The following KCNIP4 variants were observed in gnomAD, a reference collection of about 807,000 sequenced individuals.
The protein encoded by KCNIP4 is Kv channel-interacting protein 4.
KCNIP4 carries 12 observed loss-of-function variants against 34.0 expected under a neutral mutation model. The ratio of observed to expected loss-of-function variants is 0.35; its 90% CI spans 0.23 to 0.57. The LOEUF (loss-of-function observed/expected upper bound fraction) is 0.57. Ranked by LOEUF, KCNIP4 falls within the 20% of genes least tolerant of loss-of-function variation. The pLI is 0.83. For missense variants in KCNIP4, 238 were observed against 311.7 expected (o/e 0.76, Z 1.78); for synonymous variants, 124 against 102.2 (o/e 1.21, Z -1.29).
chr4:20,865,632 G>A (rs1722802396), intron 2 of KCNIP4, among the ~76,000 whole-genome samples: 1 of 151,952 alleles, frequency 6.6e-6, no homozygotes, highest in Non-Finnish European at 1.5e-5. Flanking sequence ...ATTGCATGAT[G>A]TCATTTACAT....
At chr4:21,592,196 G>A (rs1742273347) in intron 1 of KCNIP4, among the ~76,000 whole-genome samples, 1 of 152,216 alleles carries the variant, frequency 6.6e-6, no homozygotes, top group East Asian at 1.9e-4. Context: ...TCAGCAAAGA[G>A]ATAACATCTG....
At chr4:21,551,403 A>G (rs952866459) in intron 1 of KCNIP4, among the ~76,000 whole-genome samples, 1 of 152,112 alleles carries the variant, frequency 6.6e-6, no homozygotes, top group Non-Finnish European at 1.5e-5. Context: ...ATCTATAGCC[A>G]GTCTCATATC....
At chr4:21,621,852 C>A (rs1339836342) in intron 1 of KCNIP4, among the ~76,000 whole-genome samples, 4 of 152,132 alleles carry the variant, frequency 2.6e-5, no homozygotes, top group Non-Finnish European at 5.9e-5. Context: ...GAGGTTGGAG[C>A]CAGTGCCTTT....
intron 1 of KCNIP4, among the ~76,000 whole-genome samples, chr4:21,469,000 A>T (rs1730230782): frequency 6.6e-6 from 1 of 152,118 alleles, no homozygotes; most frequent in Non-Finnish European, 1.5e-5. Flanking sequence ...ACAGAAGAAA[A>T]CACTCTGAAA....
At chr4:21,526,124 T>C (rs142739578) in intron 1 of KCNIP4, among the ~76,000 whole-genome samples, 157 of 152,284 alleles carry the variant, frequency 1.0e-3, no homozygotes, top group Non-Finnish European at 1.7e-3. Context: ...GCACCTGATA[T>C]GTTTTGGATC....
chr4:20,800,292 A>G lies in KCNIP4; in HGVS notation c.289-41402T>C, dbSNP rs147425079. ...TCAGGCCCACCTTCGGTGAAAGCCT[A>G]CAAAAGCTACTCTGTAAAGTTTGGA... On this transcript the variant is annotated intron_variant, in intron 3 of 8. Coordinates refer to ENST00000382152, the MANE Select transcript of KCNIP4 (RefSeq NM_025221.6). Among the ~76,000 whole-genome samples the G allele has an allele frequency of 3.4e-3, 513 of 152,358 alleles. 4 individuals carry two copies. Among genetic ancestry groups the G allele is most frequent in the Non-Finnish European group, 5.7e-3 (389 of 68,028 alleles).
chr4:21,920,596 T>C (rs916768029), intron 1 of KCNIP4, among the ~76,000 whole-genome samples: 2 of 152,200 alleles, frequency 1.3e-5, no homozygotes, highest in South Asian at 2.1e-4. Flanking sequence ...AAAAATCACC[T>C]GTACCCCAAC....
chr4:20,774,597 T>C (rs1281939021), intron 3 of KCNIP4, among the ~76,000 whole-genome samples: 2 of 152,238 alleles, frequency 1.3e-5, no homozygotes, highest in Non-Finnish European at 2.9e-5. Context: ...AACAAAGTTC[T>C]GTGTAAATAA....
intron 1 of KCNIP4, among the ~76,000 whole-genome samples, chr4:21,234,518 AAT>A (rs1312458920): frequency 1.8e-5 from 2 of 111,182 alleles, no homozygotes; most frequent in Non-Finnish European, 3.5e-5. Flanking sequence ...TAACGTATAT[AAT>A]ATATATTACA....
At chr4:21,050,799 G>C (rs772407150) in intron 1 of KCNIP4, among the ~76,000 whole-genome samples, 1 of 152,142 alleles carries the variant, frequency 6.6e-6, no homozygotes, top group Non-Finnish European at 1.5e-5. Flanking sequence ...TTGATAGATC[G>C]AGTAGTTGGA....
chr4:21,243,269 A>T (rs16870621), intron 1 of KCNIP4, among the ~76,000 whole-genome samples: 32,838 of 152,068 alleles, frequency 0.22, 6,032 homozygotes, highest in African/African-American at 0.5. Flanking sequence ...GGTACAATAA[A>T]GACTTCAAAG....
intron 1 of KCNIP4, among the ~76,000 whole-genome samples, chr4:21,002,075 G>A (rs1476419777): frequency 3.9e-5 from 6 of 152,218 alleles, no homozygotes; most frequent in Non-Finnish European, 8.8e-5. Flanking sequence ...GTTATAGTCT[G>A]TTTCCCTCTT....
chr4:21,928,321 A>G (rs1729383892), intron 1 of KCNIP4, among the ~76,000 whole-genome samples: 1 of 152,044 alleles, frequency 6.6e-6, no homozygotes. Flanking sequence ...GTGAAACTTA[A>G]AAAATGGTCT....
At chr4:21,919,848 T>C (rs1366607129) in intron 1 of KCNIP4, among the ~76,000 whole-genome samples, 3 of 152,230 alleles carry the variant, frequency 2.0e-5, no homozygotes, top group Non-Finnish European at 4.4e-5. Context: ...AAAACTCACA[T>C]GCTGCAGATT....
chr4:21,859,708 T>C (rs1160922703), intron 1 of KCNIP4, among the ~76,000 whole-genome samples: 1 of 152,074 alleles, frequency 6.6e-6, no homozygotes, highest in Non-Finnish European at 1.5e-5. Flanking sequence ...AGAGTACAGC[T>C]ATCAATTAGT....
chr4:20,842,691 T>C (rs1719900845), intron 3 of KCNIP4, among the ~76,000 whole-genome samples: 1 of 149,116 alleles, frequency 6.7e-6, no homozygotes, highest in Non-Finnish European at 1.5e-5. Flanking sequence ...CAGTGGAGAA[T>C]GGTTCAGAGG....
intron 1 of KCNIP4, among the ~76,000 whole-genome samples, chr4:21,493,686 C>G (rs990792320): frequency 4.6e-5 from 7 of 152,168 alleles, no homozygotes; most frequent in African/African-American, 1.7e-4. Context: ...TCTTGAAAAG[C>G]ACTTCTTTCA....
At position 20,728,949 on chromosome 4, in the gene KCNIP4, T is replaced by TAAATCATACTG. The variant is rs1746919251; in HGVS notation, c.*1122_*1132dup. ...AAAAATAATCTGAATTATGATGAGC[T>TAAATCATACTG]AAATCATACTGTAATCTGGATTAGT... On this transcript the variant is annotated 3_prime_UTR_variant, in exon 9 of 9. Transcript: ENST00000382152. 6.6e-6 allele frequency: 1 copy of TAAATCATACTG among 152,130 alleles called. No individual in the cohort carries two copies. The allele number at this position is 152,130 out of a possible 1,614,324, so 9.4% of individuals were successfully genotyped here.
intron 6 of KCNIP4, among the ~76,000 whole-genome samples, 170 bp downstream of exon 6, chr4:20,734,458 C>G (rs1201314198): frequency 1.3e-5 from 2 of 152,160 alleles, no homozygotes; most frequent in African/African-American, 4.8e-5. Context: ...GGAGCTTCAC[C>G]ATAAACTACT....
Sources: allele counts gnomAD v4.1 joint callset (sites outside exome capture counted in the v4.1 genomes callset), GRCh38; gene constraint gnomAD v4.1.1; transcripts MANE v1.5; gene names NCBI Gene and HGNC (gene_info 2026-07-23, HGNC 2026-07-21).